Variants in BTG3 observed in about 807,000 individuals in gnomAD.
BTG3 encodes the protein BTG anti-proliferation factor 3.
Under a neutral mutation model 25.8 loss-of-function variants are expected in BTG3, and 4 were observed. The observed-to-expected ratio is 0.16, with a 90% confidence interval of 0.08 to 0.36. BTG3 has a LOEUF of 0.36. Ranked by LOEUF, BTG3 falls within the 10% of genes least tolerant of loss-of-function variation. The pLI is 1.00. For missense variants in BTG3, 201 were observed against 304.9 expected, an observed-to-expected ratio of 0.66 and a Z score of 2.54; for synonymous variants, 107 against 99.9, an observed-to-expected ratio of 1.07 and a Z score of -0.42.
chr21:17,604,769 TAA>T (rs1449298073), intron 3 of BTG3, 89 bp downstream of exon 3: 2 of 1,432,304 alleles, frequency 1.4e-6, no homozygotes, highest in East Asian at 4.9e-5. Flanking sequence ...CTCCTGGCCA[TAA>T]AGATACACAG....
chr21:17,593,901 TC>T lies in BTG3; in HGVS notation c.*191del, dbSNP rs2061467986. On this transcript the variant is annotated 3_prime_UTR_variant, in exon 5 of 5. Coordinates refer to ENST00000348354, the MANE Select transcript of BTG3 (RefSeq NM_006806.5). ...ACTTGACTAACTTTAATAAAATTTCTCAAACTATATCAATATCTAAAGTGCA... is the reference window on the plus strand; with the variant it reads ...ACTTGACTAACTTTAATAAAATTTCTAAACTATATCAATATCTAAAGTGCA... 5 of 710,094 alleles carry T rather than the reference TC, an allele frequency of 7.0e-6. No individual in the cohort carries two copies. The highest frequency in any genetic ancestry group is 8.6e-6 in the Non-Finnish European group (4 of 467,224). 44.0% of individuals were successfully genotyped at this position (710,094 alleles called of 1,614,324 possible). A position where few individuals can be genotyped will look rare whatever the true frequency, so the allele number is the denominator to read the frequency against.
intron 1 of BTG3, among the ~76,000 whole-genome samples, chr21:17,609,631 A>G (rs999695134): frequency 2.0e-5 from 3 of 152,282 alleles, no homozygotes; most frequent in Non-Finnish European, 4.4e-5. Context: ...GGTTAAACAC[A>G]GAGTTATCAT....
At chr21:17,594,508 A>G (rs1244852739) in intron 4 of BTG3, among the ~76,000 whole-genome samples, 176 bp from the exon 5 acceptor site, 1 of 152,098 alleles carries the variant, frequency 6.6e-6, no homozygotes, top group Non-Finnish European at 1.5e-5. Flanking sequence ...CGTATAATGT[A>G]TAACAGGTGA....
At chr21:17,595,301 A>AT (rs1374586380) in intron 4 of BTG3, among the ~76,000 whole-genome samples, 4 of 151,986 alleles carry the variant, frequency 2.6e-5, no homozygotes, top group Admixed American at 6.6e-5. Context: ...TAAGTATAGG[A>AT]TTTTTTTAAA....
rs1371762077 is a variant in BTG3, at chr21:17,612,697, A to ACCGCCGCTGCCG, written c.-19_-9+1dup. On this transcript the variant is annotated splice_donor_variant, in intron 1 of 4. Coordinates refer to ENST00000348354, the MANE Select transcript of BTG3 (RefSeq NM_006806.5). LOFTEE classifies it low-confidence loss of function (5UTR_SPLICE). ...TGCCTTTCCCCGGCCCGGTCTCCTC[A>ACCGCCGCTGCCG]CCGCCGCTGCCGCCGCCGCTCTTCG... The ACCGCCGCTGCCG allele has an allele frequency of 6.6e-6, 1 of 151,948 alleles. No individual in the cohort carries two copies. The highest frequency in any genetic ancestry group is 1.5e-5 in the Non-Finnish European group (1 of 68,568). The allele number at this position is 151,948 out of a possible 1,614,324, so 9.4% of individuals were successfully genotyped here. A position where few individuals can be genotyped will look rare whatever the true frequency, so the allele number is the denominator to read the frequency against.
At chr21:17,609,660 C>T (rs1047114300) in intron 1 of BTG3, among the ~76,000 whole-genome samples, 13 of 152,226 alleles carry the variant, frequency 8.5e-5, no homozygotes, top group Non-Finnish European at 5.9e-5. Flanking sequence ...GCCAATTCTA[C>T]TTCTATTTGC....
chr21:17,598,976 CAG>C, intron 3 of BTG3, 152 bp from the exon 4 acceptor site: 1 of 574,542 alleles, frequency 1.7e-6, no homozygotes, highest in Non-Finnish European at 3.0e-6. Context: ...TATCCTAATA[CAG>C]CTCAATGCCA....
At chr21:17,612,187 A>C (rs147296345) in intron 1 of BTG3, 278 of 152,418 alleles carry the variant, frequency 1.8e-3, no homozygotes, top group Admixed American at 2.9e-3. Context: ...GTTCAAGGGG[A>C]AGGGCCCTGG....
Position 17,608,212 on chromosome 21 carries a change from T to A in BTG3, c.173+760A>T, listed in dbSNP as rs375640163. On this transcript the variant is annotated intron_variant, in intron 2 of 4. Coordinates refer to ENST00000348354, the MANE Select transcript of BTG3 (RefSeq NM_006806.5). ...AAGATCCCATCTATACAAAAAAAAA[T>A]TTGTTTTTAAATTAGCCTGGTGTGT... Among the ~76,000 whole-genome samples, 13 of 152,154 alleles carry A rather than the reference T, an allele frequency of 8.5e-5. No homozygotes were observed. In the East Asian group the frequency reaches 1.2e-3, roughly 14 times the overall value.
chr21:17,605,410 C>T (rs935735023), intron 2 of BTG3, among the ~76,000 whole-genome samples: 4 of 152,032 alleles, frequency 2.6e-5, no homozygotes, highest in East Asian at 2.0e-4. Flanking sequence ...GAAATGCTTA[C>T]GACAAATTCT....
chr21:17,599,901 C>T (rs76693457), intron 3 of BTG3, among the ~76,000 whole-genome samples: 4,600 of 152,150 alleles, frequency 0.03, 156 homozygotes, highest in East Asian at 0.18. Flanking sequence ...TATTTATACT[C>T]ACAAAAATGA....
intron 4 of BTG3, among the ~76,000 whole-genome samples, chr21:17,596,443 C>T (rs1420531903): frequency 6.6e-6 from 1 of 151,928 alleles, no homozygotes; most frequent in East Asian, 1.9e-4. Context: ...GTACACAATC[C>T]ATCTCAAATC....
Position 17,594,010 on chromosome 21 carries a change from A to C in BTG3, c.*83T>G. 6.8e-7 allele frequency: 1 copy of C among 1,480,288 alleles called. No individual in the cohort carries two copies. 91.7% of individuals were successfully genotyped at this position (1,480,288 alleles called of 1,614,324 possible). ...TGGCCCATCTAACTTCACTACTATT[A>C]GTAAGAACTTTTAACTTTTAATGTG... On this transcript the variant is annotated 3_prime_UTR_variant, in exon 5 of 5. Coordinates refer to ENST00000348354, the MANE Select transcript of BTG3 (RefSeq NM_006806.5).
chr21:17,609,031 A>C lies in BTG3; in HGVS notation c.114T>G (p.Leu38=). 1 of 1,613,788 alleles carries C rather than the reference A, an allele frequency of 6.2e-7. No homozygotes were observed. The highest frequency in any genetic ancestry group is 8.5e-7 in the Non-Finnish European group (1 of 1,179,904). ...ACCAGTGATTTTTATATTTTTCTTG[A>C]AGTATTAGGGTCAATTTCTCAGCAA... ...ERFAEKLTLI[L]QEKYKNHWYP... The change falls in exon 2 of 5, where the codon CTT becomes CTG. Residue 38 remains leucine (L), a synonymous_variant. Coordinates refer to ENST00000348354, the MANE Select transcript of BTG3 (RefSeq NM_006806.5).
intron 3 of BTG3, among the ~76,000 whole-genome samples, chr21:17,599,707 T>C (rs2123444804): frequency 6.6e-6 from 1 of 152,300 alleles, no homozygotes; most frequent in East Asian, 1.9e-4. Flanking sequence ...CTTGAACTCC[T>C]GACCTCAGGT....
At chr21:17,603,896 GAT>G (rs1292932078) in intron 3 of BTG3, among the ~76,000 whole-genome samples, 1 of 152,182 alleles carries the variant, frequency 6.6e-6, no homozygotes, top group Non-Finnish European at 1.5e-5. Flanking sequence ...ACATAAATCA[GAT>G]AACAATGTAA....
Position 17,608,202 on chromosome 21 carries a change from C to CA in BTG3, c.173+769dup, listed in dbSNP as rs549083017. 1.5e-4 allele frequency among the ~76,000 whole-genome samples: 22 copies of CA among 151,308 alleles called. No homozygotes were observed. The South Asian group carries it at 3.3e-3, about 23-fold the overall frequency. ...GTAACACAGCAAGATCCCATCTATACAAAAAAAAATTTGTTTTTAAATTAG... is the reference window on the plus strand; with the variant it reads ...GTAACACAGCAAGATCCCATCTATACAAAAAAAAAATTTGTTTTTAAATTAG... On this transcript the variant is annotated intron_variant, in intron 2 of 4. Transcript: ENST00000348354.
Position 17,598,782 on chromosome 21 carries a change from T to C in BTG3, c.354A>G (p.Glu118=), listed in dbSNP as rs982038183. The C allele has an allele frequency of 3.1e-6, 5 of 1,614,182 alleles. No individual in the cohort carries two copies. Among genetic ancestry groups the C allele is most frequent in the Non-Finnish European group, 3.4e-6 (4 of 1,180,034 alleles). Residue 118 remains glutamate, a synonymous_variant, in exon 4 of 5, where the codon GAA becomes GAG. Transcript: ENST00000348354. ...TCTCATCCTTGTTCTCATCTTTATT[T>C]TCAAAGCTGGCAACAATGAATGCAT... ...KNNAFIVASF[E]NKDENKDEIS... is the part of the protein sequence containing the mutation.
rs535809822 is a variant in BTG3 at position 17,604,604 on chromosome 21, G to T, written c.311+256C>A. 2.6e-5 allele frequency among the ~76,000 whole-genome samples: 4 copies of T among 152,274 alleles called. No individual in the cohort carries two copies. In the East Asian group the frequency reaches 5.8e-4, roughly 22 times the overall value. On this transcript the variant is annotated intron_variant, in intron 3 of 4. Transcript: ENST00000348354. ...AGCGGAATCTAGGTGTCTACTTCTT[G>T]GTCTACAATAAGCTTCTTGGCAAAG...
Sources: allele counts gnomAD v4.1 joint callset (sites outside exome capture counted in the v4.1 genomes callset), GRCh38; gene constraint gnomAD v4.1.1; transcripts MANE v1.5; gene names NCBI Gene and HGNC (gene_info 2026-07-23, HGNC 2026-07-21).